The following LCMT1 variants were observed in gnomAD, a reference collection of about 807,000 sequenced individuals.
LCMT1 encodes [Phosphatase 2A protein]-leucine-carboxy methyltransferase 1.
Under a neutral mutation model 47.7 loss-of-function variants are expected in LCMT1, and 32 were observed. The observed-to-expected ratio is 0.67, with a 90% CI of 0.51 to 0.90. LCMT1 has a LOEUF of 0.90. Among genes scored for constraint, LCMT1 ranks in the 40% least tolerant of loss-of-function variants. The pLI, the probability that LCMT1 is intolerant of heterozygous loss-of-function variation, is 0.00. For missense variants in LCMT1, 375 were observed against 415.2 expected, an observed-to-expected ratio of 0.90 and a Z score of 0.84; for synonymous variants, 152 against 149.7, an observed-to-expected ratio of 1.02 and a Z score of -0.11.
intron 1 of LCMT1, among the ~76,000 whole-genome samples, chr16:25,120,254 G>T (rs528769120): frequency 1.5e-4 from 22 of 150,648 alleles, no homozygotes; most frequent in African/African-American, 5.1e-4. Context: ...ATGGAGGTTC[G>T]CTCTTGTTGC....
At chr16:25,164,994 G>A (rs574624185) in intron 7 of LCMT1, among the ~76,000 whole-genome samples, 20 of 152,326 alleles carry the variant, frequency 1.3e-4, no homozygotes, top group African/African-American at 4.3e-4. Context: ...TAGAACATGA[G>A]GAAGAGGATT....
At chr16:25,130,366 A>G (rs891825241) in intron 2 of LCMT1, among the ~76,000 whole-genome samples, 2 of 151,502 alleles carry the variant, frequency 1.3e-5, no homozygotes, top group Non-Finnish European at 2.9e-5. Flanking sequence ...AAATTCTTCA[A>G]CAGGGTTGGG....
At chr16:25,126,555 G>T (rs1960198415) in intron 1 of LCMT1, among the ~76,000 whole-genome samples, 1 of 152,090 alleles carries the variant, frequency 6.6e-6, no homozygotes, top group Non-Finnish European at 1.5e-5. Context: ...GTAATTATCT[G>T]CCTCTCCTTT....
intron 1 of LCMT1, among the ~76,000 whole-genome samples, chr16:25,112,895 C>G (rs1238847058): frequency 2.0e-5 from 3 of 152,068 alleles, no homozygotes; most frequent in African/African-American, 7.2e-5. Context: ...GTAATCCCAG[C>G]ACTTTGGGAG....
chr16:25,138,520 C>T (rs1960571398), intron 3 of LCMT1, among the ~76,000 whole-genome samples: 2 of 151,158 alleles, frequency 1.3e-5, no homozygotes, highest in African/African-American at 2.4e-5. Flanking sequence ...TGCGCATGTG[C>T]GTGTGTGTGT....
At chr16:25,121,166 G>T (rs1267651531) in intron 1 of LCMT1, among the ~76,000 whole-genome samples, 1 of 151,826 alleles carries the variant, frequency 6.6e-6, no homozygotes, top group East Asian at 2.0e-4. Context: ...GGTGGCTCAC[G>T]CCTGTAATCC....
At chr16:25,162,556 T>C (rs1363911933) in intron 6 of LCMT1, among the ~76,000 whole-genome samples, 4 of 144,048 alleles carry the variant, frequency 2.8e-5, no homozygotes, top group Non-Finnish European at 6.0e-5. Context: ...GACATCGAAC[T>C]GTAGCCTGGA....
chr16:25,140,853 C>T (rs1205616451), intron 4 of LCMT1: 1 of 152,368 alleles, frequency 6.6e-6, no homozygotes, highest in African/African-American at 2.4e-5. Flanking sequence ...AGGCCAGTTC[C>T]TAGAACTTTA....
intron 6 of LCMT1, among the ~76,000 whole-genome samples, chr16:25,162,788 G>C (rs925032047): frequency 1.3e-5 from 2 of 152,102 alleles, no homozygotes; most frequent in Admixed American, 1.3e-4. Flanking sequence ...CCAATACCTA[G>C]AGATAACCAC....
At chr16:25,141,382 G>A (rs1039618142) in intron 4 of LCMT1, 1 of 152,340 alleles carries the variant, frequency 6.6e-6, no homozygotes. Flanking sequence ...GTCTCACTCT[G>A]TCATCCAGGT....
chr16:25,171,670 A>C (rs1448495560), intron 9 of LCMT1, among the ~76,000 whole-genome samples: 1 of 152,182 alleles, frequency 6.6e-6, no homozygotes, highest in African/African-American at 2.4e-5. Flanking sequence ...TTGTTCAAGG[A>C]CGTATAAGGG....
Position 25,111,907 on chromosome 16 carries a change from C to A in LCMT1, c.24C>A (p.Ser8=). The A allele has an allele frequency of 6.2e-7, 1 of 1,613,110 alleles. No individual in the cohort carries two copies. The highest frequency in any genetic ancestry group is 8.5e-7 in the Non-Finnish European group (1 of 1,179,434). MATRQRE[S]SITSCCSTSS... ...CCATGGCCACTAGGCAGAGGGAATC[C>A]TCTATCACCTCCTGCTGTTCCACCT... The change falls in exon 1 of 11, where the codon TCC becomes TCA. Residue 8 remains serine, a synonymous_variant. Transcript: ENST00000399069.
intron 9 of LCMT1, among the ~76,000 whole-genome samples, 185 bp downstream of exon 9, chr16:25,170,990 G>A (rs1961749275): frequency 6.6e-6 from 1 of 152,142 alleles, no homozygotes; most frequent in South Asian, 2.1e-4. Context: ...CAGCACTTTG[G>A]GAGGCATAGG....
chr16:25,149,653 CCTGTAATCCCAGCA>C (rs1443172450), intron 4 of LCMT1, among the ~76,000 whole-genome samples: 2 of 152,322 alleles, frequency 1.3e-5, no homozygotes, highest in South Asian at 2.1e-4. Flanking sequence ...GTGGCTTATG[CCTGTAATCCCAGCA>C]CTTTGGAAGG....
chr16:25,135,035 G>A (rs1471819412), intron 3 of LCMT1, among the ~76,000 whole-genome samples: 1 of 152,104 alleles, frequency 6.6e-6, no homozygotes, highest in Admixed American at 6.6e-5. Context: ...CTGAGACCCC[G>A]TTGACTTGTC....
chr16:25,113,846 G>A (rs994215537), intron 1 of LCMT1, among the ~76,000 whole-genome samples: 7 of 152,184 alleles, frequency 4.6e-5, no homozygotes, highest in African/African-American at 1.7e-4. Context: ...ACGTTGGCCA[G>A]GCTAGTTTCG....
intron 4 of LCMT1, chr16:25,147,341 GGGACA>G (rs1960892883): frequency 6.6e-6 from 1 of 152,230 alleles, no homozygotes; most frequent in South Asian, 2.1e-4. Context: ...AGCGCTGTTG[GGGACA>G]GCACAGGGGC....
chr16:25,116,267 A>T (rs1959780230), intron 1 of LCMT1, among the ~76,000 whole-genome samples: 1 of 152,184 alleles, frequency 6.6e-6, no homozygotes, highest in African/African-American at 2.4e-5. Flanking sequence ...TTCTAGAAGG[A>T]GATTTGGCTG....
chr16:25,125,877 T>A, intron 1 of LCMT1: 2 of 241,844 alleles, frequency 8.3e-6, no homozygotes, highest in Non-Finnish European at 1.3e-5. Context: ...AATAATAGTT[T>A]TGTTGCCAAT....
Sources: gnomAD v4.1 joint callset for allele counts (sites outside exome capture counted in the v4.1 genomes callset) on GRCh38, gnomAD v4.1.1 for gene constraint, MANE v1.5 for transcripts, NCBI Gene and HGNC (gene_info 2026-07-23, HGNC 2026-07-21) for gene names.